TUBGCP6: variants seen among roughly 807,000 people sequenced by gnomAD.
TUBGCP6 encodes the protein tubulin gamma complex component 6, also known as gamma-tubulin complex component 6.
TUBGCP6 carries 161 observed loss-of-function variants against 175.8 expected under a neutral mutation model. The ratio of observed to expected loss-of-function variants is 0.92; its 90% CI spans 0.81 to 1.04. The LOEUF (loss-of-function observed/expected upper bound fraction) is 1.04. Ranked by LOEUF, TUBGCP6 falls within the 50% of genes least tolerant of loss-of-function variation. The pLI is 0.00. For synonymous variants in TUBGCP6, 1,173 were observed against 1,030.5 expected, an observed-to-expected ratio of 1.14 and a Z score of -2.65; for missense variants, 2,572 against 2,433.0, an observed-to-expected ratio of 1.06 and a Z score of -1.20.
chr22:50,226,446 A>T (rs2064610903), intron 7 of TUBGCP6, 68 bp from the exon 8 acceptor site: 94 of 1,176,184 alleles, frequency 8.0e-5, no homozygotes, highest in Middle Eastern at 2.0e-4. Flanking sequence ...GCTGTCAGTG[A>T]GGGGTGGGAC....
Position 50,244,385 on chromosome 22 carries a change from C to G in TUBGCP6, c.75G>C (p.Gln25His), listed in dbSNP as rs775175285. The G allele has an allele frequency of 1.9e-6, 3 of 1,613,350 alleles. No individual in the cohort carries two copies. The highest frequency in any genetic ancestry group is 2.5e-6 in the Non-Finnish European group (3 of 1,180,044). ...LLPAAKTHLG[Q>H]RSVNRKRAKR... ...TTGCCCTCTTCCGGTTCACACTGCG[C>G]TGGCCCAGGTGAGTCTTGGCAGCCG... Residue 25 changes from glutamine to histidine, a missense_variant, in exon 1 of 25, where the codon CAG becomes CAC. Physicochemically the swap from Gln to His is conservative, Grantham distance 24. Coordinates refer to ENST00000248846, the MANE Select transcript of TUBGCP6 (RefSeq NM_020461.4).
Position 50,218,117 on chromosome 22 carries a change from CCTGGGGGGAAGCAGTGCTG to C in TUBGCP6, c.5169-19_5169-1del, listed in dbSNP as rs2064448558. On this transcript the variant is annotated splice_acceptor_variant and splice_polypyrimidine_tract_variant and intron_variant, in intron 23 of 24. Coordinates refer to ENST00000248846, the MANE Select transcript of TUBGCP6 (RefSeq NM_020461.4). LOFTEE classifies it high-confidence loss of function. ...GCGCCGCCTTCTCCGTGAGCAGGCC[CCTGGGGGGAAGCAGTGCTG>C]CTGGGTGGGCTGAGCCGTGACCACA... The C allele has an allele frequency of 6.2e-6, 10 of 1,612,214 alleles. No individual in the cohort carries two copies. Among genetic ancestry groups the C allele is most frequent in the Non-Finnish European group, 8.5e-6 (10 of 1,179,566 alleles).
chr22:50,222,003 C>T (rs762689049), intron 15 of TUBGCP6, 25 bp downstream of exon 15: 10 of 1,613,252 alleles, frequency 6.2e-6, no homozygotes, highest in Non-Finnish European at 1.7e-6. Flanking sequence ...CCATAGGGCA[C>T]CCTGGGTTCC....
At chr22:50,232,023 C>T (rs1261672684) in intron 3 of TUBGCP6, among the ~76,000 whole-genome samples, 1 of 150,708 alleles carries the variant, frequency 6.6e-6, no homozygotes, top group African/African-American at 2.4e-5. Context: ...GAGTTCAACA[C>T]CAGCCTGGGC....
chr22:50,224,729 A>G (rs1306385440), intron 10 of TUBGCP6, 137 bp from the exon 11 acceptor site: 4 of 794,940 alleles, frequency 5.0e-6, no homozygotes, highest in Non-Finnish European at 8.1e-6. Flanking sequence ...CAACATAGCA[A>G]AAACCCATCC....
chr22:50,228,022 T>G lies in TUBGCP6; in HGVS notation c.1297A>C (p.Thr433Pro). 1.3e-6 allele frequency: 2 copies of G among 1,552,232 alleles called. No individual in the cohort carries two copies. The highest frequency in any genetic ancestry group is 1.7e-6 in the Non-Finnish European group (2 of 1,147,446). ...TGCAGGTACCTCCTCAGGCCACTGG[T>G]GAAGGCCTGTGGGCAAAGAGGCTGG... ...YSKGLVFQAF[T>P]SGLRRYLQYY... Residue 433 changes from threonine (T) to proline (P), a missense_variant, in exon 5 of 25, where the codon ACC becomes CCC. Thr to Pro is a conservative substitution (Grantham distance 38). Transcript: ENST00000248846.
chr22:50,218,041 T>G lies in TUBGCP6; in HGVS notation c.5245A>C (p.Ser1749Arg). Reference sequence around the variant, plus strand: ...CCCCAGGCCTGGGAGATGAGCTGGCTGCGGAACTTGAGCACGAGGCTGAAG... The same window carrying G: ...CCCCAGGCCTGGGAGATGAGCTGGCGGCGGAACTTGAGCACGAGGCTGAAG... ...SIFSLVLKFR[S>R]QLISQAWGPP... The change falls in exon 24 of 25, where the codon AGC (serine) becomes CGC (arginine). Residue 1749 changes from serine (S) to arginine (R), a missense_variant. Transcript: ENST00000248846. The G allele has an allele frequency of 6.2e-7, 1 of 1,613,470 alleles. No individual in the cohort carries two copies. The highest frequency in any genetic ancestry group is 1.1e-5 in the South Asian group (1 of 91,084).
chr22:50,221,760 G>T lies in TUBGCP6; in HGVS notation c.2599C>A (p.Gln867Lys). 1 of 1,515,410 alleles carries T rather than the reference G, an allele frequency of 6.6e-7. No individual in the cohort carries two copies. Among genetic ancestry groups the T allele is most frequent in the African/African-American group, 1.4e-5 (1 of 71,762 alleles). The allele number at this position is 1,515,410 out of a possible 1,614,324, so 93.9% of individuals were successfully genotyped here. The change falls in exon 16 of 25, where the codon CAG becomes AAG. Residue 867 changes from glutamine to lysine, a missense_variant. Physicochemically the swap from Gln to Lys is moderately conservative, Grantham distance 53 (BLOSUM62 1). Coordinates refer to ENST00000248846, the MANE Select transcript of TUBGCP6 (RefSeq NM_020461.4). ...CCCACTGCTAGAGGCTTAAGGGGCTGTGGGGTCAGCAGGCCTGGCCTGTTC... is the reference window on the plus strand; with the variant it reads ...CCCACTGCTAGAGGCTTAAGGGGCTTTGGGGTCAGCAGGCCTGGCCTGTTC... ...GWNRPGLLTP[Q>K]PLKPLAVGAG... is the part of the protein sequence containing the mutation.
chr22:50,218,738 G>T lies in TUBGCP6; in HGVS notation c.4786C>A (p.Pro1596Thr). The T allele has an allele frequency of 6.2e-7, 1 of 1,614,058 alleles. No individual in the cohort carries two copies. Among genetic ancestry groups the T allele is most frequent in the Non-Finnish European group, 8.5e-7 (1 of 1,179,990 alleles). Reference sequence around the variant, plus strand: ...AGCTCCAGGCAGCTCAGCACATCCGGGGCGTTGGGGGCAAACACCTCGGGC... The same window carrying T: ...AGCTCCAGGCAGCTCAGCACATCCGTGGCGTTGGGGGCAAACACCTCGGGC... ...YLPEVFAPNA[P>T]DVLSCLELRY... Residue 1596 changes from proline to threonine, a missense_variant, in exon 21 of 25, where the codon CCG becomes ACG. Pro to Thr is a conservative substitution (Grantham distance 38, BLOSUM62 -1). Transcript: ENST00000248846.
chr22:50,232,947 G>A (rs891543835), intron 3 of TUBGCP6, among the ~76,000 whole-genome samples: 3 of 152,174 alleles, frequency 2.0e-5, no homozygotes, highest in African/African-American at 4.8e-5. Flanking sequence ...GAAGAGCAGC[G>A]CAGGCCCCAG....
chr22:50,221,932 T>C, intron 15 of TUBGCP6, 58 bp from the exon 16 acceptor site: 1 of 1,566,636 alleles, frequency 6.4e-7, no homozygotes, highest in East Asian at 2.3e-5. Context: ...GCCCTCGAAC[T>C]GTCCCCCAAG....
rs757527769 is a variant in TUBGCP6, at chr22:50,233,488, G to A, written c.944C>T (p.Ala315Val). Residue 315 changes from alanine to valine, a missense_variant, in exon 3 of 25, where the codon GCG (alanine) becomes GTG (valine). Coordinates refer to ENST00000248846, the MANE Select transcript of TUBGCP6 (RefSeq NM_020461.4). ...GAACTTGTCGAAAGCGTCCCTTCCC[G>A]CCTCCGTCAGGTAAGGCTCCTCTCT... The part of the protein sequence containing the change: ...GHREEPYLTE[A>V]GRDAFDKFCR... 1.4e-5 allele frequency: 23 copies of A among 1,610,310 alleles called. No individual in the cohort carries two copies. Among genetic ancestry groups the A allele is most frequent in the South Asian group, 3.3e-5 (3 of 90,448 alleles).
chr22:50,243,971 C>T lies in TUBGCP6; in HGVS notation c.489G>A (p.Leu163=). The change falls in exon 1 of 25, where the codon CTG becomes CTA. Residue 163 remains leucine, a synonymous_variant. Coordinates refer to ENST00000248846, the MANE Select transcript of TUBGCP6 (RefSeq NM_020461.4). ...LSVFEMDVQS[L]ISREECLCHS... The stretch of plus-strand genomic sequence containing the variant: ...GACACAAACACTCTTCTCTGGAGAT[C>T]AGAGACTGAACGTCCATCTCAAACA... 6.2e-7 allele frequency: 1 copy of T among 1,614,152 alleles called. No homozygotes were observed. The highest frequency in any genetic ancestry group is 8.5e-7 in the Non-Finnish European group (1 of 1,180,044).
chr22:50,218,014 G>A lies in TUBGCP6; in HGVS notation c.5272C>T (p.Pro1758Ser), dbSNP rs761960582. 2.5e-6 allele frequency: 4 copies of A among 1,612,658 alleles called. No homozygotes were observed. The highest frequency in any genetic ancestry group is 1.3e-5 in the African/African-American group (1 of 74,970). ...RSQLISQAWGPPGGPRGAEHP... is the reference protein window; with the variant it reads ...RSQLISQAWGSPGGPRGAEHP... ...TCTGCACCCCGCGGGCCCCCAGGGG[G>A]CCCCCAGGCCTGGGAGATGAGCTGG... Residue 1758 changes from proline (P) to serine (S), a missense_variant, in exon 24 of 25, where the codon CCC becomes TCC. Coordinates refer to ENST00000248846, the MANE Select transcript of TUBGCP6 (RefSeq NM_020461.4).
At chr22:50,221,975 C>A in intron 15 of TUBGCP6, 53 bp downstream of exon 15, 2 of 1,607,382 alleles carry the variant, frequency 1.2e-6, no homozygotes, top group South Asian at 2.2e-5. Context: ...ACACCAGGTG[C>A]CGAGGGCTAT....
intron 1 of TUBGCP6, among the ~76,000 whole-genome samples, chr22:50,242,211 G>A (rs2064848543): frequency 6.6e-6 from 1 of 151,914 alleles, no homozygotes; most frequent in African/African-American, 2.4e-5. Context: ...AGAATGGCGT[G>A]AACCTGGGAG....
At chr22:50,228,940 C>A (rs1271947982) in intron 4 of TUBGCP6, among the ~76,000 whole-genome samples, 1 of 152,182 alleles carries the variant, frequency 6.6e-6, no homozygotes, top group Non-Finnish European at 1.5e-5. Flanking sequence ...AGCCCCTGTC[C>A]CATGGGCCTC....
At position 50,221,399 on chromosome 22, in the gene TUBGCP6, T is replaced by A. The variant is rs749331365; in HGVS notation, c.2960A>T (p.Asp987Val). The A allele has an allele frequency of 1.9e-6, 3 of 1,606,764 alleles. No homozygotes were observed. The Admixed American group carries it at 5.0e-5, about 27-fold the overall frequency. Residue 987 changes from aspartate (D) to valine (V), a missense_variant, in exon 16 of 25, where the codon GAC (aspartate) becomes GTC (valine). Coordinates refer to ENST00000248846, the MANE Select transcript of TUBGCP6 (RefSeq NM_020461.4). ...LGSSGLQLWE[D>V]SCGKMDACGS... ...ACAGGCATCCATCTTCCCACAACTG[T>A]CCTCCCACAGCTGTAGCCCTGAGCT...
chr22:50,223,351 G>GTT (rs2064557523), intron 13 of TUBGCP6: 1 of 152,346 alleles, frequency 6.6e-6, no homozygotes, highest in Non-Finnish European at 1.5e-5. Context: ...AGCCCCTCCC[G>GTT]TGAGGGGCTC....
Sources: allele counts gnomAD v4.1 joint callset (sites outside exome capture counted in the v4.1 genomes callset), GRCh38; gene constraint gnomAD v4.1.1; transcripts MANE v1.5; gene names NCBI Gene and HGNC (gene_info 2026-07-23, HGNC 2026-07-21).